The following JAZF1 variants were observed in gnomAD, a reference collection of about 807,000 sequenced individuals.
JAZF1 encodes JAZF zinc finger 1.
A neutral mutation model predicts 26.4 loss-of-function variants in JAZF1; 8 were observed. That is an observed-to-expected ratio of 0.30 (90% CI 0.18 to 0.55). JAZF1 has a LOEUF of 0.55. JAZF1 is among the 20% of genes least tolerant of loss of function. JAZF1 has a pLI of 0.94. For missense variants in JAZF1, 199 were observed against 322.0 expected (o/e 0.62, Z 2.92); for synonymous variants, 126 against 122.3 (o/e 1.03, Z -0.20).
At chr7:28,125,079 T>G (rs932818699) in intron 1 of JAZF1, among the ~76,000 whole-genome samples, 4 of 151,214 alleles carry the variant, frequency 2.6e-5, no homozygotes, top group South Asian at 2.1e-4. Flanking sequence ...ACTTTCTGAA[T>G]AGTGCCTAAT....
In JAZF1 at chr7:27,831,834, T is replaced by C. The variant is rs1285060902; in HGVS notation, c.*966A>G. The C allele has an allele frequency of 4.5e-6, 1 of 220,278 alleles. No homozygotes were observed. The highest frequency in any genetic ancestry group is 9.1e-6 in the Non-Finnish European group (1 of 109,888). The allele number at this position is 220,278 out of a possible 1,614,324, so 13.6% of individuals were successfully genotyped here. On this transcript the variant is annotated 3_prime_UTR_variant, in exon 5 of 5. Transcript: ENST00000283928. Reference sequence around the variant, plus strand: ...TTTGGTAGGGCAGTGGTTGCAAGAATTGGCAACACATAAACATTAAATTGT... The same window carrying C: ...TTTGGTAGGGCAGTGGTTGCAAGAACTGGCAACACATAAACATTAAATTGT...
In JAZF1 at chr7:28,156,954, G is replaced by A. The variant is rs1371753792; in HGVS notation, c.115+23509C>T. ...TACATTTCCCATATTTGTTTATACC[G>A]GACTCCATACTACGTATAAATAAAG... On this transcript the variant is annotated intron_variant, in intron 1 of 4. Transcript: ENST00000283928. Among the ~76,000 whole-genome samples, 7 of 152,064 alleles carry A rather than the reference G, an allele frequency of 4.6e-5. No individual in the cohort carries two copies. In the East Asian group the frequency reaches 5.8e-4, roughly 13 times the overall value.
chr7:27,970,012 T>C (rs1209000542), intron 2 of JAZF1, among the ~76,000 whole-genome samples: 1 of 151,736 alleles, frequency 6.6e-6, no homozygotes, highest in Non-Finnish European at 1.5e-5. Flanking sequence ...TGAATTTCTC[T>C]GATCCTTATA....
chr7:28,084,088 A>G (rs1248506488), intron 1 of JAZF1, among the ~76,000 whole-genome samples: 2 of 152,156 alleles, frequency 1.3e-5, no homozygotes, highest in African/African-American at 4.8e-5. Context: ...AATATATGCC[A>G]GTCTTGTAAC....
intron 1 of JAZF1, among the ~76,000 whole-genome samples, chr7:28,091,848 T>C (rs1371195604): frequency 1.3e-5 from 2 of 152,140 alleles, no homozygotes; most frequent in Non-Finnish European, 2.9e-5. Flanking sequence ...CCTTGAATCC[T>C]GTGTAATGGA....
chr7:28,168,726 AAAG>A (rs1301895981), intron 1 of JAZF1, among the ~76,000 whole-genome samples: 1 of 152,222 alleles, frequency 6.6e-6, no homozygotes, highest in Non-Finnish European at 1.5e-5. Context: ...GCTGTATATT[AAAG>A]GCCTGCCTCC....
At chr7:27,913,403 G>C in intron 2 of JAZF1, 1 of 461,146 alleles carries the variant, frequency 2.2e-6, no homozygotes, top group Admixed American at 2.4e-5. Context: ...TTTTGGACAA[G>C]TAGGACAGCG....
intron 2 of JAZF1, among the ~76,000 whole-genome samples, chr7:27,951,552 A>G (rs1785008763): frequency 6.6e-6 from 1 of 152,220 alleles, no homozygotes; most frequent in Admixed American, 6.5e-5. Context: ...TCAAGAATCC[A>G]GGTGTGTCCA....
chr7:28,078,507 G>A (rs188107476), intron 1 of JAZF1, among the ~76,000 whole-genome samples: 87 of 152,204 alleles, frequency 5.7e-4, no homozygotes, highest in Admixed American at 9.2e-4. Context: ...CTACTCAAAG[G>A]CAAAGAAAAT....
Position 27,984,502 on chromosome 7 carries a change from C to T in JAZF1, c.188+7407G>A, listed in dbSNP as rs184503475. 8.0e-3 allele frequency among the ~76,000 whole-genome samples: 1,211 copies of T among 152,164 alleles called. 12 individuals carry two copies. Among genetic ancestry groups the T allele is most frequent in the African/African-American group, 0.027 (1,130 of 41,514 alleles). On this transcript the variant is annotated intron_variant, in intron 2 of 4. Transcript: ENST00000283928. ...GACTTAGACTCCCACACAATAATAA[C>T]GGGAGACTTTAACACCCCACTGTCA...
intron 2 of JAZF1, among the ~76,000 whole-genome samples, chr7:27,986,793 T>C (rs544605933): frequency 5.9e-5 from 9 of 152,280 alleles, no homozygotes; most frequent in South Asian, 2.1e-4. Context: ...GTGCCTGGGA[T>C]TGCAGGCGCG....
At chr7:28,015,714 A>G (rs1462520355) in intron 1 of JAZF1, among the ~76,000 whole-genome samples, 1 of 152,250 alleles carries the variant, frequency 6.6e-6, no homozygotes, top group Non-Finnish European at 1.5e-5. Context: ...GCATGTGTTT[A>G]GATAAGGATA....
intron 1 of JAZF1, among the ~76,000 whole-genome samples, chr7:28,164,684 C>G (rs778473968): frequency 9.2e-5 from 14 of 152,152 alleles, no homozygotes; most frequent in Non-Finnish European, 1.6e-4. Flanking sequence ...TATACAATCT[C>G]CCTCAGTACT....
intron 1 of JAZF1, among the ~76,000 whole-genome samples, chr7:28,059,525 C>A (rs1212804496): frequency 6.6e-6 from 1 of 152,080 alleles, no homozygotes; most frequent in Non-Finnish European, 1.5e-5. Context: ...GTTTTTTAAG[C>A]TCACAAGAAA....
chr7:27,934,812 T>C (rs1302394224), intron 2 of JAZF1, among the ~76,000 whole-genome samples: 2 of 152,302 alleles, frequency 1.3e-5, no homozygotes, highest in African/African-American at 2.4e-5. Context: ...TCTTTAGATA[T>C]GACACCAAAA....
At chr7:27,939,913 G>T (rs1455484869) in intron 2 of JAZF1, among the ~76,000 whole-genome samples, 2 of 152,140 alleles carry the variant, frequency 1.3e-5, no homozygotes, top group African/African-American at 4.8e-5. Flanking sequence ...TTTCCTCTTT[G>T]CATGTAAGTG....
chr7:28,130,655 T>C (rs914735821), intron 1 of JAZF1, among the ~76,000 whole-genome samples: 3 of 152,222 alleles, frequency 2.0e-5, no homozygotes, highest in East Asian at 1.9e-4. Flanking sequence ...TCTGTGCTAA[T>C]CTACTCAGGG....
At chr7:27,842,334 T>C (rs1782938323) in intron 3 of JAZF1, 2 of 152,246 alleles carry the variant, frequency 1.3e-5, no homozygotes, top group African/African-American at 4.8e-5. Context: ...GAACTCACCA[T>C]TAAGGGACGG....
chr7:28,163,401 G>T (rs1783321646), intron 1 of JAZF1, among the ~76,000 whole-genome samples: 2 of 152,158 alleles, frequency 1.3e-5, no homozygotes, highest in Non-Finnish European at 2.9e-5. Context: ...GGGAAGAGAA[G>T]GGGCACAGGA....
Sources: allele counts gnomAD v4.1 joint callset (sites outside exome capture counted in the v4.1 genomes callset), GRCh38; gene constraint gnomAD v4.1.1; transcripts MANE v1.5; gene names NCBI Gene and HGNC (gene_info 2026-07-23, HGNC 2026-07-21).